AUTS2: variants seen among roughly 807,000 people sequenced by gnomAD.
AUTS2 encodes autism susceptibility gene 2 protein.
In AUTS2, 17 loss-of-function variants were observed where a neutral mutation model predicts 112.4. That is an observed-to-expected ratio of 0.15 (90% CI 0.10 to 0.23). AUTS2 has a LOEUF of 0.23. AUTS2 is among the 10% of genes least tolerant of loss of function. The pLI, the probability that AUTS2 is intolerant of heterozygous loss-of-function variation, is 1.00. For missense variants in AUTS2, 1,510 were observed against 1,701.6 expected, an observed-to-expected ratio of 0.89 and a Z score of 1.98; for synonymous variants, 751 against 702.7, an observed-to-expected ratio of 1.07 and a Z score of -1.09.
At chr7:70,317,330 G>C (rs1263849809) in intron 4 of AUTS2, among the ~76,000 whole-genome samples, 1 of 152,076 alleles carries the variant, frequency 6.6e-6, no homozygotes, top group Admixed American at 6.5e-5. Context: ...TTTGTCATTT[G>C]CCATGGAAAG....
intron 4 of AUTS2, among the ~76,000 whole-genome samples, chr7:70,426,278 A>C (rs976696947): frequency 6.6e-6 from 1 of 152,150 alleles, no homozygotes; most frequent in Non-Finnish European, 1.5e-5. Flanking sequence ...AGCTTGAACC[A>C]ACCCTCTGTG....
chr7:69,733,377 T>C (rs892786115), intron 1 of AUTS2, among the ~76,000 whole-genome samples: 6 of 152,162 alleles, frequency 3.9e-5, no homozygotes, highest in African/African-American at 1.4e-4. Flanking sequence ...GAACTTAGTG[T>C]CTCAGAGTCT....
At position 70,253,752 on chromosome 7, in the gene AUTS2, A is replaced by AT. The variant is rs140836928; in HGVS notation, c.660+119191dup. ...TTGTCATTATGCATTATCAGAAGAG[A>AT]TTTTTTTTTTCTGCCGGCAATACTA... On this transcript the variant is annotated intron_variant, in intron 4 of 18. Transcript: ENST00000342771. 8.0e-3 allele frequency among the ~76,000 whole-genome samples: 1,200 copies of AT among 149,988 alleles called. 15 individuals carry two copies. Among genetic ancestry groups the AT allele is most frequent in the African/African-American group, 0.027 (1,123 of 40,932 alleles).
intron 1 of AUTS2, among the ~76,000 whole-genome samples, chr7:69,862,764 C>A (rs1404526042): frequency 2.0e-5 from 3 of 152,152 alleles, no homozygotes; most frequent in Non-Finnish European, 4.4e-5. Flanking sequence ...AGTTACCCTG[C>A]ACAGTCTCTA....
chr7:70,503,842 G>GAA (rs35663680), intron 5 of AUTS2, among the ~76,000 whole-genome samples: 28 of 135,898 alleles, frequency 2.1e-4, no homozygotes, highest in South Asian at 4.7e-4. Flanking sequence ...TAAAAATAAG[G>GAA]AAAAAAAAAA....
At chr7:69,943,290 A>C (rs994656109) in intron 2 of AUTS2, among the ~76,000 whole-genome samples, 2 of 152,248 alleles carry the variant, frequency 1.3e-5, no homozygotes, top group African/African-American at 4.8e-5. Flanking sequence ...CAAGGCCTGG[A>C]ACATAGTATG....
intron 5 of AUTS2, among the ~76,000 whole-genome samples, chr7:70,591,538 C>T (rs1236160582): frequency 1.3e-5 from 2 of 152,184 alleles, no homozygotes; most frequent in Admixed American, 1.3e-4. Context: ...GCTGGGATTA[C>T]AGGCACTGGC....
chr7:69,749,647 C>A (rs1262849686), intron 1 of AUTS2, among the ~76,000 whole-genome samples: 1 of 152,158 alleles, frequency 6.6e-6, no homozygotes, highest in African/African-American at 2.4e-5. Flanking sequence ...TTGCGCTTTG[C>A]GGCTGTTCAT....
At chr7:70,037,151 A>T (rs1320124394) in intron 2 of AUTS2, among the ~76,000 whole-genome samples, 1 of 152,232 alleles carries the variant, frequency 6.6e-6, no homozygotes, top group Non-Finnish European at 1.5e-5. Context: ...ATGAAAAAAA[A>T]ATTGCATGAT....
At chr7:69,971,707 A>G (rs1797857112) in intron 2 of AUTS2, among the ~76,000 whole-genome samples, 1 of 152,202 alleles carries the variant, frequency 6.6e-6, no homozygotes, top group African/African-American at 2.4e-5. Flanking sequence ...AAATGGAATC[A>G]TACAGGATGC....
chr7:69,824,890 G>T (rs536399013), intron 1 of AUTS2, among the ~76,000 whole-genome samples: 1 of 152,154 alleles, frequency 6.6e-6, no homozygotes. Context: ...CGGAGATTGC[G>T]CAATAAGACT....
At chr7:70,287,632 TA>T (rs1280733385) in intron 4 of AUTS2, among the ~76,000 whole-genome samples, 1 of 152,144 alleles carries the variant, frequency 6.6e-6, no homozygotes, top group East Asian at 1.9e-4. Context: ...CATTCTCACC[TA>T]CAAGAGGTAG....
rs905176709 is a variant in AUTS2, at chr7:70,148,843, G to A, written c.660+14272G>A. Among the ~76,000 whole-genome samples, 5 of 152,078 alleles carry A rather than the reference G, an allele frequency of 3.3e-5. No homozygotes were observed. In the East Asian group the frequency reaches 5.8e-4, roughly 18 times the overall value. On this transcript the variant is annotated intron_variant, in intron 4 of 18. Coordinates refer to ENST00000342771, the MANE Select transcript of AUTS2 (RefSeq NM_015570.4). ...GAATTTATAACAAAAATAATGTAAC[G>A]TATTTGATTATTTCTGTGGCATGTA...
intron 5 of AUTS2, among the ~76,000 whole-genome samples, chr7:70,669,307 T>C (rs1807513126): frequency 6.6e-6 from 1 of 152,208 alleles, no homozygotes; most frequent in African/African-American, 2.4e-5. Context: ...GATGCTTGGG[T>C]GTGTTTGTGG....
intron 4 of AUTS2, among the ~76,000 whole-genome samples, chr7:70,165,257 TAGAAGAAA>T (rs1808323492): frequency 2.0e-5 from 3 of 152,118 alleles, no homozygotes; most frequent in African/African-American, 7.2e-5. Context: ...GAAAATAGGC[TAGAAGAAA>T]CGCTAGAAGA....
intron 4 of AUTS2, among the ~76,000 whole-genome samples, chr7:70,213,343 G>A (rs1811006389): frequency 7.0e-6 from 1 of 142,082 alleles, no homozygotes; most frequent in Non-Finnish European, 1.5e-5. Context: ...CCTGGTTAAC[G>A]ATACAAGACC....
At chr7:70,580,715 G>C (rs1468886033) in intron 5 of AUTS2, among the ~76,000 whole-genome samples, 2 of 152,120 alleles carry the variant, frequency 1.3e-5, no homozygotes, top group African/African-American at 2.4e-5. Context: ...TGAGAACATG[G>C]GAACACTACA....
intron 2 of AUTS2, among the ~76,000 whole-genome samples, chr7:69,985,038 TC>T (rs1340669286): frequency 6.6e-6 from 1 of 152,066 alleles, no homozygotes; most frequent in African/African-American, 2.4e-5. Context: ...TTCAGCCATG[TC>T]TCTGAAACCA....
At chr7:69,654,814 A>G (rs760811927) in intron 1 of AUTS2, among the ~76,000 whole-genome samples, 13 of 152,058 alleles carry the variant, frequency 8.5e-5, no homozygotes, top group Non-Finnish European at 1.6e-4. Context: ...GATGATGGCA[A>G]CTGTGTGTTT....
Sources: allele counts gnomAD v4.1 joint callset (sites outside exome capture counted in the v4.1 genomes callset), GRCh38; gene constraint gnomAD v4.1.1; transcripts MANE v1.5; gene names NCBI Gene and HGNC (gene_info 2026-07-23, HGNC 2026-07-21).